Variants in TMUB2 observed in about 807,000 individuals in gnomAD.
The protein encoded by TMUB2 is transmembrane and ubiquitin like domain containing 2, also known as transmembrane and ubiquitin-like domain-containing protein 2.
TMUB2 carries 19 observed loss-of-function variants against 20.2 expected under a neutral mutation model. That is an observed-to-expected ratio of 0.94 (90% confidence interval 0.66 to 1.38). The LOEUF is 1.38. Among genes scored for constraint, TMUB2 ranks in the 40% most tolerant of loss-of-function variants. TMUB2 has a pLI of 0.00. For synonymous variants in TMUB2, 186 were observed against 166.0 expected (o/e 1.12, Z -0.92); for missense variants, 426 against 402.5 (o/e 1.06, Z -0.50).
chr17:44,190,910 C>T lies in TMUB2; in HGVS notation c.*46C>T. 6.5e-7 allele frequency: 1 copy of T among 1,543,958 alleles called. No homozygotes were observed. The highest frequency in any genetic ancestry group is 8.7e-7 in the Non-Finnish European group (1 of 1,146,916). On this transcript the variant is annotated 3_prime_UTR_variant, in exon 4 of 4. Coordinates refer to ENST00000538716, the MANE Select transcript of TMUB2 (RefSeq NM_001076674.3). ...AGGCATGGTCTTTCTCCTTTACGGC[C>T]TCCCCACTTTTCCTGGCCAGAGCTG...
rs72822681 is a variant in TMUB2, at chr17:44,190,684, G to C, written c.786G>C (p.Glu262Asp). Residue 262 changes from glutamate (E) to aspartate (D), a missense_variant, in exon 4 of 4, where the codon GAG (glutamate) becomes GAC (aspartate). Physicochemically the swap from Glu to Asp is conservative, Grantham distance 45. Coordinates refer to ENST00000538716, the MANE Select transcript of TMUB2 (RefSeq NM_001076674.3). ...CCTCCTTGGCCCCCTCGGCCACTGAGCCACCCAGCCTTGGTGTCAATGTGG... is the reference window on the plus strand; with the variant it reads ...CCTCCTTGGCCCCCTCGGCCACTGACCCACCCAGCCTTGGTGTCAATGTGG... ...PSASLAPSAT[E>D]PPSLGVNVGS... is the part of the protein sequence containing the mutation. 3 of 1,614,100 alleles carry C rather than the reference G, an allele frequency of 1.9e-6. No individual in the cohort carries two copies. Among genetic ancestry groups the C allele is most frequent in the East Asian group, 2.2e-5 (1 of 44,892 alleles).
chr17:44,191,023 T>G lies in TMUB2; in HGVS notation c.*159T>G, dbSNP rs1463665999. ...AGGAGGCAAGTATGCGGCCTCCCCT[T>G]CTCATCCACAGGAGTACAGATGTCC... On this transcript the variant is annotated 3_prime_UTR_variant, in exon 4 of 4. Coordinates refer to ENST00000538716, the MANE Select transcript of TMUB2 (RefSeq NM_001076674.3). 1 of 1,455,434 alleles carries G rather than the reference T, an allele frequency of 6.9e-7. No homozygotes were observed. The allele number at this position is 1,455,434 out of a possible 1,614,324, so 90.2% of individuals were successfully genotyped here.
rs1432396784 is a variant in TMUB2 at position 44,187,100 on chromosome 17, G to C, written c.-43G>C. 1 of 153,542 alleles carries C rather than the reference G, an allele frequency of 6.5e-6. No individual in the cohort carries two copies. The highest frequency in any genetic ancestry group is 1.5e-5 in the Non-Finnish European group (1 of 68,654). 9.5% of individuals were successfully genotyped at this position (153,542 alleles called of 1,614,324 possible). On this transcript the variant is annotated 5_prime_UTR_variant, in exon 1 of 4. Transcript: ENST00000538716. ...TGGCGAGGTCAAAACATTTAGTCTG[G>C]TCTTTTCAGGTGAGGACTTCCCCAT...
rs753887263 is a variant in TMUB2 at position 44,189,541 on chromosome 17, G to T, written c.555G>T (p.Glu185Asp). The change falls in exon 3 of 4, where the codon GAG becomes GAT. Residue 185 changes from glutamate to aspartate, a missense_variant. Coordinates refer to ENST00000538716, the MANE Select transcript of TMUB2 (RefSeq NM_001076674.3). ...TVRLKFLNDT[E>D]ELAVARPEDT... is the part of the protein sequence containing the mutation. Reference sequence around the variant, plus strand: ...GGCTCAAATTCCTCAATGATACCGAGGAGCTGGCTGTGGCTAGGCCAGAGG... The same window carrying T: ...GGCTCAAATTCCTCAATGATACCGATGAGCTGGCTGTGGCTAGGCCAGAGG... The T allele has an allele frequency of 3.3e-5, 54 of 1,612,558 alleles. 1 individual carries two copies. The highest frequency in any genetic ancestry group is 4.4e-5 in the Non-Finnish European group (52 of 1,179,260).
intron 3 of TMUB2, chr17:44,189,997 T>C (rs1260203324): frequency 2.6e-5 from 4 of 155,106 alleles, no homozygotes; most frequent in Admixed American, 6.6e-5. Flanking sequence ...GGCGACAGAG[T>C]GAGACTCCAT....
In TMUB2 at chr17:44,188,796, G is replaced by A. The variant is rs1270768419; in HGVS notation, c.36-226G>A. On this transcript the variant is annotated intron_variant, in intron 2 of 3. Coordinates refer to ENST00000538716, the MANE Select transcript of TMUB2 (RefSeq NM_001076674.3). The stretch of plus-strand genomic sequence containing the variant: ...GGAAGTTGGAGTTTGAGAGAGGAAG[G>A]TCACAGAACGTGAAAGCAAGAGTTT... The A allele has an allele frequency of 1.3e-5, 8 of 595,420 alleles. No homozygotes were observed. In the East Asian group the frequency reaches 1.6e-4, roughly 12 times the overall value. The allele number at this position is 595,420 out of a possible 1,614,324, so 36.9% of individuals were successfully genotyped here.
chr17:44,187,462 ACAGAG>A, intron 1 of TMUB2: 1 of 565,548 alleles, frequency 1.8e-6, no homozygotes, highest in East Asian at 3.0e-5. Context: ...AGGCTGAGGG[ACAGAG>A]CAAAGACCCC....
chr17:44,189,624 C>G, intron 3 of TMUB2, 36 bp downstream of exon 3: 7 of 1,519,184 alleles, frequency 4.6e-6, no homozygotes, highest in Non-Finnish European at 6.2e-6. Flanking sequence ...TGCTTGTGCT[C>G]ATCCCCCAGC....
intron 2 of TMUB2, chr17:44,188,726 G>A (rs1331088170): frequency 3.2e-6 from 1 of 317,450 alleles, no homozygotes; most frequent in Non-Finnish European, 5.8e-6. Context: ...AACAGTAGCA[G>A]CAGCAGCAAG....
chr17:44,191,305 C>G lies in TMUB2; in HGVS notation c.*441C>G. Reference sequence around the variant, plus strand: ...CTGGAGTATCCTTCCATTTCTCAGCCAAATACTCATCTTTTGAGACTGAAA... The same window carrying G: ...CTGGAGTATCCTTCCATTTCTCAGCGAAATACTCATCTTTTGAGACTGAAA... On this transcript the variant is annotated 3_prime_UTR_variant, in exon 4 of 4. Transcript: ENST00000538716. The G allele has an allele frequency of 1.0e-6, 1 of 993,662 alleles. No individual in the cohort carries two copies. The highest frequency in any genetic ancestry group is 1.2e-6 in the Non-Finnish European group (1 of 834,626). The allele number at this position is 993,662 out of a possible 1,614,324, so 61.6% of individuals were successfully genotyped here. A position where few individuals can be genotyped will look rare whatever the true frequency, so the allele number is the denominator to read the frequency against.
chr17:44,191,902 A>G lies in TMUB2; in HGVS notation c.*1038A>G. On this transcript the variant is annotated 3_prime_UTR_variant, in exon 4 of 4. Coordinates refer to ENST00000538716, the MANE Select transcript of TMUB2 (RefSeq NM_001076674.3). ...TAGCTACCTGTACAGAATGGATTAC[A>G]TATGCAAAAATAAAAATCTCAAGAC... is the stretch of plus-strand genomic sequence containing the variant. 4.6e-6 allele frequency: 1 copy of G among 219,270 alleles called. No individual in the cohort carries two copies. Among genetic ancestry groups the G allele is most frequent in the Non-Finnish European group, 7.7e-6 (1 of 129,308 alleles). 13.6% of individuals were successfully genotyped at this position (219,270 alleles called of 1,614,324 possible).
chr17:44,189,618 T>C, intron 3 of TMUB2, 30 bp downstream of exon 3: 2 of 1,526,208 alleles, frequency 1.3e-6, no homozygotes, highest in Non-Finnish European at 1.8e-6. Context: ...GGAAGCTGCT[T>C]GTGCTCATCC....
chr17:44,188,134 T>G (rs969457770), intron 2 of TMUB2: 1 of 200,216 alleles, frequency 5.0e-6, no homozygotes, highest in African/African-American at 2.3e-5. Flanking sequence ...TAGTAGGTAC[T>G]CCAAGGAGCA....
chr17:44,189,992 CAG>C (rs1339968054), intron 3 of TMUB2: 1 of 163,148 alleles, frequency 6.1e-6, no homozygotes, highest in African/African-American at 2.5e-5. Context: ...GCCTGGGCGA[CAG>C]AGTGAGACTC....
intron 2 of TMUB2, chr17:44,188,782 T>G: frequency 2.0e-6 from 1 of 494,716 alleles, no homozygotes; most frequent in Non-Finnish European, 3.3e-6. Flanking sequence ...GAAGTTGGAG[T>G]TTGAGAGAGG....
At position 44,190,018 on chromosome 17, in the gene TMUB2, AAAAC is replaced by A. The variant is rs200966179; in HGVS notation, c.602+438_602+441del. The A allele has an allele frequency of 1.5e-3, 254 of 165,220 alleles. 9 individuals carry two copies. In the East Asian group the frequency reaches 0.041, roughly 27 times the overall value. The allele number at this position is 165,220 out of a possible 1,614,324, so 10.2% of individuals were successfully genotyped here. A position where few individuals can be genotyped will look rare whatever the true frequency, so the allele number is the denominator to read the frequency against. On this transcript the variant is annotated intron_variant, in intron 3 of 3. Coordinates refer to ENST00000538716, the MANE Select transcript of TMUB2 (RefSeq NM_001076674.3). ...AGAGTGAGACTCCATCTAAAAAAAC[AAAAC>A]AAACAAATACACCCCTCATTAGTTA...
At chr17:44,189,850 A>C in intron 3 of TMUB2, 1 of 312,664 alleles carries the variant, frequency 3.2e-6, no homozygotes, top group Non-Finnish European at 5.9e-6. Flanking sequence ...ATCTCTACTA[A>C]ACATACAAAA....
At position 44,189,015 on chromosome 17, in the gene TMUB2, C is replaced by T; in HGVS notation, c.36-7C>T. On this transcript the variant is annotated splice_polypyrimidine_tract_variant and splice_region_variant and intron_variant, in intron 2 of 3. Transcript: ENST00000538716. Reference sequence around the variant, plus strand: ...TCTGCTGATGCTGTCCCCCTTTGTTCCTGCAGCGTGGACCCTGCCAGCAGC... The same window carrying T: ...TCTGCTGATGCTGTCCCCCTTTGTTTCTGCAGCGTGGACCCTGCCAGCAGC... 1.2e-6 allele frequency: 2 copies of T among 1,608,220 alleles called. No individual in the cohort carries two copies. Among genetic ancestry groups the T allele is most frequent in the Non-Finnish European group, 1.7e-6 (2 of 1,176,924 alleles).
intron 3 of TMUB2, 124 bp downstream of exon 3, chr17:44,189,712 G>A (rs1438066419): frequency 2.2e-6 from 2 of 918,314 alleles, no homozygotes; most frequent in Admixed American, 6.6e-5. Context: ...ACCAAGGGCA[G>A]GTAGATACTT....
Sources: allele counts gnomAD v4.1 joint callset, GRCh38; gene constraint gnomAD v4.1.1; transcripts MANE v1.5; gene names NCBI Gene and HGNC (gene_info 2026-07-23, HGNC 2026-07-21).